The following PRSS3 variants were observed in gnomAD, a reference collection of about 807,000 sequenced individuals.
PRSS3 encodes serine protease 3, also known as trypsin-3.
In PRSS3, 14 loss-of-function variants were observed where a neutral mutation model predicts 20.8. That is an observed-to-expected ratio of 0.67 (90% CI 0.44 to 1.05). The LOEUF (loss-of-function observed/expected upper bound fraction) is 1.05, where lower values mean the gene tolerates loss of function less well. Ranked by LOEUF, PRSS3 falls within the 50% of genes least tolerant of loss-of-function variation. The probability of loss-of-function intolerance (pLI) is 0.00; values close to 1 mark genes in which losing one functional copy is unlikely to be tolerated. For synonymous variants in PRSS3, 91 were observed against 117.6 expected (o/e 0.77, Z 1.46); for missense variants, 237 against 306.4 (o/e 0.77, Z 1.69).
upstream of PRSS3, chr9:33,794,842 G>A (rs10117993): frequency 0.014 from 20,336 of 1,402,726 alleles, 1,619 homozygotes; most frequent in African/African-American, 0.26. Flanking sequence ...GGAGGAGTGC[G>A]CCATTGGTTT....
At chr9:33,770,591 T>A (rs1285289888) in intron 1 of PRSS3, among the ~76,000 whole-genome samples, 1 of 152,214 alleles carries the variant, frequency 6.6e-6, no homozygotes, top group African/African-American at 2.4e-5. Context: ...TCTTTTGAGA[T>A]AAGATCTTTA....
At chr9:33,760,140 G>A (rs1335801668) in intron 1 of PRSS3, among the ~76,000 whole-genome samples, 2 of 151,720 alleles carry the variant, frequency 1.3e-5, no homozygotes, top group Admixed American at 6.6e-5. Flanking sequence ...CTTTCACATG[G>A]CTGAGTTAAG....
chr9:33,773,584 G>A (rs1823795445), intron 1 of PRSS3, among the ~76,000 whole-genome samples: 1 of 152,172 alleles, frequency 6.6e-6, no homozygotes, highest in South Asian at 2.1e-4. Flanking sequence ...TAAAAAAAGA[G>A]GAAATATATT....
intron 1 of PRSS3, among the ~76,000 whole-genome samples, chr9:33,753,309 C>T (rs1250599781): frequency 6.6e-6 from 1 of 152,044 alleles, no homozygotes; most frequent in Non-Finnish European, 1.5e-5. Context: ...CTGGGTATAA[C>T]CTTAAAGATT....
chr9:33,778,831 G>A (rs1824053277), intron 1 of PRSS3, among the ~76,000 whole-genome samples: 1 of 151,984 alleles, frequency 6.6e-6, no homozygotes, highest in Admixed American at 6.6e-5. Context: ...TTGTGAGGGG[G>A]CCATCTCTCT....
intron 1 of PRSS3, among the ~76,000 whole-genome samples, chr9:33,751,684 A>G (rs1008970107): frequency 1.3e-5 from 2 of 152,138 alleles, no homozygotes; most frequent in African/African-American, 4.8e-5. Flanking sequence ...ATCTGCCTAC[A>G]GCATTTTACC....
chr9:33,786,801 G>A (rs2119033451), intron 1 of PRSS3: 4 of 763,588 alleles, frequency 5.2e-6, no homozygotes, highest in Non-Finnish European at 9.6e-6. Context: ...CCTGAAGACA[G>A]CAGCATATAC....
chr9:33,767,154 A>G (rs10971691), intron 1 of PRSS3, among the ~76,000 whole-genome samples: 33,112 of 152,116 alleles, frequency 0.22, 3,766 homozygotes, highest in Middle Eastern at 0.24. Flanking sequence ...TTAAATCTAT[A>G]AAAGGAAATG....
intron 1 of PRSS3, among the ~76,000 whole-genome samples, chr9:33,784,780 C>T (rs550117914): frequency 2.6e-5 from 4 of 152,140 alleles, no homozygotes; most frequent in Non-Finnish European, 5.9e-5. Flanking sequence ...TTCTCAGCTA[C>T]CCACCAGATT....
chr9:33,772,942 A>T (rs921693179), intron 1 of PRSS3, among the ~76,000 whole-genome samples: 11 of 152,118 alleles, frequency 7.2e-5, no homozygotes, highest in African/African-American at 2.7e-4. Flanking sequence ...ATTCATCTGG[A>T]CATCTCTTCT....
At chr9:33,755,698 G>A (rs1335427641) in intron 1 of PRSS3, among the ~76,000 whole-genome samples, 1 of 152,134 alleles carries the variant, frequency 6.6e-6, no homozygotes, top group Non-Finnish European at 1.5e-5. Flanking sequence ...TGGGGTGTAG[G>A]AATTGCTACA....
At position 33,796,664 on chromosome 9, in the gene PRSS3, A is replaced by G. The variant is rs750066163; in HGVS notation, c.62A>G (p.Asp21Gly). The G allele has an allele frequency of 6.2e-7, 1 of 1,613,820 alleles. No individual in the cohort carries two copies. The change falls in exon 2 of 5, where the codon GAT (aspartate) becomes GGT (glycine). Residue 21 changes from aspartate (D) to glycine (G), a missense_variant. Physicochemically the swap from Asp to Gly is moderately conservative, Grantham distance 94. Coordinates refer to ENST00000379405, the MANE Select transcript of PRSS3 (RefSeq NM_002771.4). ...CCAGTTGCTGTCCCCTTTGACGATG[A>G]TGACAAGATTGTTGGGGGCTACACC... is the stretch of plus-strand genomic sequence containing the variant. ...GAAVAVPFDD[D>G]DKIVGGYTCE...
rs1587391929 is a variant in PRSS3, at chr9:33,786,774, C to T, written c.-52-7972C>T. On this transcript the variant is annotated intron_variant, in intron 1 of 5. Transcript: ENST00000342836. Reference sequence around the variant, plus strand: ...CCAAACCTAACATTCTCAACTCTGACTGTGAGCAACAGGAGACCTGAAGAC... The same window carrying T: ...CCAAACCTAACATTCTCAACTCTGATTGTGAGCAACAGGAGACCTGAAGAC... The T allele has an allele frequency of 3.9e-6, 3 of 765,646 alleles. No individual in the cohort carries two copies. The East Asian group carries it at 7.3e-5, about 19-fold the overall frequency. 47.4% of individuals were successfully genotyped at this position (765,646 alleles called of 1,614,324 possible). A position where few individuals can be genotyped will look rare whatever the true frequency, so the allele number is the denominator to read the frequency against.
At position 33,766,729 on chromosome 9, in the gene PRSS3, C is replaced by T. The variant is rs1468634393; in HGVS notation, c.-53+16002C>T. 1.3e-5 allele frequency among the ~76,000 whole-genome samples: 2 copies of T among 151,746 alleles called. 1 individual carries two copies. The highest frequency in any genetic ancestry group is 4.8e-5 in the African/African-American group (2 of 41,260). On this transcript the variant is annotated intron_variant, in intron 1 of 5. Transcript: ENST00000342836. ...TCTAAATTAGGCAAATCCACAGAGA[C>T]GGAAAGCGTATTACTGATTGCCAGG...
rs149026348 is a variant in PRSS3, at chr9:33,796,705, C to T, written c.103C>T (p.Leu35Phe). Residue 35 changes from leucine to phenylalanine, a missense_variant, in exon 2 of 5, where the codon CTC becomes TTC. By Grantham distance (22) the Leu-to-Phe change is conservative. Transcript: ENST00000379405. ...VGGYTCEENSLPYQVSLNSGS... is the reference protein window; with the variant it reads ...VGGYTCEENSFPYQVSLNSGS... ...GGGCTACACCTGTGAGGAGAATTCT[C>T]TCCCCTACCAGGTGTCCCTGAATTC... 8.6e-5 allele frequency: 124 copies of T among 1,441,610 alleles called. No individual in the cohort carries two copies. Among genetic ancestry groups the T allele is most frequent in the Non-Finnish European group, 1.1e-4 (117 of 1,055,390 alleles). The allele number at this position is 1,441,610 out of a possible 1,614,324, so 89.3% of individuals were successfully genotyped here.
chr9:33,758,652 A>T (rs1823055358), intron 1 of PRSS3, among the ~76,000 whole-genome samples: 1 of 152,222 alleles, frequency 6.6e-6, no homozygotes, highest in Admixed American at 6.5e-5. Flanking sequence ...GTGATTTCAG[A>T]TATCATCTGG....
Position 33,750,780 on chromosome 9 carries a change from A to G in PRSS3, c.-53+53A>G, listed in dbSNP as rs1587363039. 7.1e-7 allele frequency: 1 copy of G among 1,412,490 alleles called. No homozygotes were observed. Among genetic ancestry groups the G allele is most frequent in the Non-Finnish European group, 9.2e-7 (1 of 1,088,318 alleles). The allele number at this position is 1,412,490 out of a possible 1,614,324, so 87.5% of individuals were successfully genotyped here. On this transcript the variant is annotated intron_variant, in intron 1 of 5. Coordinates refer to the PRSS3 transcript ENST00000342836. This position sits in a 1 kb window ranked among gnomAD's most constrained non-coding sequence, Gnocchi z 4.8. The stretch of plus-strand genomic sequence containing the variant: ...TGAAACTGGAGGAGGGCTCGAAGGG[A>G]GAGGGAGCCCCGCCAAGGAGCGGGG...
chr9:33,754,939 C>G (rs1355479153), intron 1 of PRSS3, among the ~76,000 whole-genome samples: 1 of 152,122 alleles, frequency 6.6e-6, no homozygotes, highest in East Asian at 1.9e-4. Flanking sequence ...TTTTATGAGT[C>G]GTAGATCCTA....
At chr9:33,753,777 A>G (rs1417926812) in intron 1 of PRSS3, among the ~76,000 whole-genome samples, 1 of 152,274 alleles carries the variant, frequency 6.6e-6, no homozygotes, top group Non-Finnish European at 1.5e-5. Flanking sequence ...TTAGAAGTTC[A>G]TTCAGCTACA....
Sources: gnomAD v4.1 joint callset for allele counts (sites outside exome capture counted in the v4.1 genomes callset) on GRCh38, gnomAD v4.1.1 for gene constraint, Gnocchi (gnomAD v3.1) non-coding constraint, MANE v1.5 for transcripts, NCBI Gene and HGNC (gene_info 2026-07-23, HGNC 2026-07-21) for gene names.